Variants in KDM4B observed in about 807,000 individuals in gnomAD.
The protein encoded by KDM4B is lysine demethylase 4B.
A neutral mutation model predicts 125.2 loss-of-function variants in KDM4B; 32 were observed. The observed-to-expected ratio is 0.26, with a 90% CI of 0.19 to 0.34. The LOEUF (loss-of-function observed/expected upper bound fraction) is 0.34. KDM4B is among the 10% of genes least tolerant of loss of function. The probability of loss-of-function intolerance (pLI) is 1.00; values close to 1 mark genes in which losing one functional copy is unlikely to be tolerated. For missense variants in KDM4B, 1,190 were observed against 1,577.7 expected (o/e 0.75, Z 4.16); for synonymous variants, 721 against 677.9 (o/e 1.06, Z -0.99).
chr19:5,122,014 C>G (rs576366471), intron 11 of KDM4B, among the ~76,000 whole-genome samples: 2 of 152,268 alleles, frequency 1.3e-5, no homozygotes, highest in South Asian at 2.1e-4. Flanking sequence ...CTGTGAGTGC[C>G]CTGGGGCCGC....
chr19:5,066,968 T>C (rs983187810), intron 6 of KDM4B, among the ~76,000 whole-genome samples: 3 of 152,140 alleles, frequency 2.0e-5, no homozygotes, highest in Non-Finnish European at 2.9e-5. Context: ...TCCCGCGTCC[T>C]GCGTCCCGGC....
intron 11 of KDM4B, among the ~76,000 whole-genome samples, chr19:5,130,538 G>A (rs2039523549): frequency 6.6e-6 from 1 of 152,188 alleles, no homozygotes; most frequent in Non-Finnish European, 1.5e-5. Flanking sequence ...GCCAGGTTGG[G>A]GTTCGTTGAT....
At chr19:5,060,876 T>C (rs751936899) in intron 6 of KDM4B, among the ~76,000 whole-genome samples, 60 of 152,258 alleles carry the variant, frequency 3.9e-4, no homozygotes, top group Admixed American at 9.2e-4. Context: ...CACATGACTT[T>C]GCGTTTTTGG....
At chr19:5,149,165 C>T (rs993826262) in intron 21 of KDM4B, among the ~76,000 whole-genome samples, 3 of 152,242 alleles carry the variant, frequency 2.0e-5, no homozygotes, top group Non-Finnish European at 2.9e-5. Flanking sequence ...AGGGTCTGTG[C>T]TCCCTTGGAG....
At chr19:5,103,004 G>A (rs151172069) in intron 9 of KDM4B, among the ~76,000 whole-genome samples, 56 of 152,358 alleles carry the variant, frequency 3.7e-4, no homozygotes, top group African/African-American at 1.2e-3. Flanking sequence ...CAACGGCCCT[G>A]CCCACCACGT....
At chr19:5,097,996 G>T (rs1340571831) in intron 9 of KDM4B, among the ~76,000 whole-genome samples, 1 of 152,228 alleles carries the variant, frequency 6.6e-6, no homozygotes, top group Non-Finnish European at 1.5e-5. Flanking sequence ...TCTGTGGAAG[G>T]TTTCTGCATG....
chr19:5,144,226 C>A (rs1226627623), intron 19 of KDM4B, 22 bp from the exon 20 acceptor site: 10 of 1,593,058 alleles, frequency 6.3e-6, no homozygotes, highest in South Asian at 1.1e-5. Context: ...GACCGCCCCC[C>A]ACACCCTCCG....
intron 2 of KDM4B, among the ~76,000 whole-genome samples, chr19:5,026,776 G>A (rs1180365762): frequency 6.6e-6 from 1 of 152,204 alleles, no homozygotes; most frequent in African/African-American, 2.4e-5. Flanking sequence ...TACTGCTTTT[G>A]TAAAAACTTA....
At position 5,135,377 on chromosome 19, in the gene KDM4B, C is replaced by T. The variant is rs141692080; in HGVS notation, c.2124C>T (p.Leu708=). 7.1e-5 allele frequency: 114 copies of T among 1,613,466 alleles called. No homozygotes were observed. The African/African-American group carries it at 1.1e-3, about 16-fold the overall frequency. ...QTEKEAPIAS[L]GEGCPATLPS... is the part of the protein sequence containing the mutation. ...AGAAGGAGGCACCCATAGCCTCCCT[C>T]GGAGAGGGCTGCCCGGCCACATTAC... Residue 708 remains leucine (L), a synonymous_variant, in exon 15 of 23, where the codon CTC becomes CTT. Transcript: ENST00000159111.
At chr19:5,045,186 G>A (rs904076367) in intron 5 of KDM4B, among the ~76,000 whole-genome samples, 4 of 152,140 alleles carry the variant, frequency 2.6e-5, no homozygotes, top group Non-Finnish European at 5.9e-5. Flanking sequence ...ACGTTCCCAG[G>A]GCCCCGCTTC....
intron 6 of KDM4B, among the ~76,000 whole-genome samples, chr19:5,054,783 A>G (rs1446951183): frequency 1.3e-5 from 2 of 152,302 alleles, no homozygotes; most frequent in South Asian, 2.1e-4. Flanking sequence ...GGGCCGGCAC[A>G]TGGGAGCTAT....
intron 10 of KDM4B, chr19:5,112,732 C>G (rs1474801433): frequency 6.6e-6 from 1 of 152,466 alleles, no homozygotes; most frequent in Non-Finnish European, 1.5e-5. Flanking sequence ...CCCTCTGCCC[C>G]GAGTGTTTTC....
At chr19:5,118,676 C>T (rs572395137) in intron 10 of KDM4B, among the ~76,000 whole-genome samples, 1 of 152,170 alleles carries the variant, frequency 6.6e-6, no homozygotes, top group Non-Finnish European at 1.5e-5. Context: ...AGGCCCTGGC[C>T]GCTCAGCTGC....
chr19:5,089,537 G>A (rs1377261120), intron 9 of KDM4B, among the ~76,000 whole-genome samples: 1 of 152,168 alleles, frequency 6.6e-6, no homozygotes, highest in African/African-American at 2.4e-5. Context: ...ATAGGCTGTG[G>A]ACTGGGACTC....
rs147498368 is a variant in KDM4B at position 5,042,007 on chromosome 19, C to T, written c.432+756C>T. On this transcript the variant is annotated intron_variant, in intron 5 of 22. Transcript: ENST00000159111. ...ATTCTGTTCAGGCTGGAAGTGAGCCCGCCCTGGAGAACCTGAGGGAGACGC... is the reference window on the plus strand; with the variant it reads ...ATTCTGTTCAGGCTGGAAGTGAGCCTGCCCTGGAGAACCTGAGGGAGACGC... 7.2e-4 allele frequency among the ~76,000 whole-genome samples: 109 copies of T among 152,352 alleles called. 1 individual carries two copies. In the East Asian group the frequency reaches 0.019, roughly 26 times the overall value.
chr19:5,107,567 C>T (rs758772711), intron 9 of KDM4B, among the ~76,000 whole-genome samples: 2 of 152,206 alleles, frequency 1.3e-5, no homozygotes, highest in African/African-American at 2.4e-5. Flanking sequence ...GAGGCTCCCT[C>T]CGGCCTGCTC....
intron 1 of KDM4B, among the ~76,000 whole-genome samples, chr19:4,975,394 T>C (rs1568199504): frequency 6.6e-6 from 1 of 152,086 alleles, no homozygotes; most frequent in Non-Finnish European, 1.5e-5. Flanking sequence ...TCAAAACCAT[T>C]CTTAGACTGC....
At chr19:5,008,591 C>CTT (rs550611814) in intron 1 of KDM4B, among the ~76,000 whole-genome samples, 38 of 135,532 alleles carry the variant, frequency 2.8e-4, no homozygotes, top group Non-Finnish European at 4.5e-4. Flanking sequence ...TTTTCTTTTT[C>CTT]TTTTTTTTTT....
At chr19:4,984,270 T>G (rs888467422) in intron 1 of KDM4B, among the ~76,000 whole-genome samples, 1 of 152,166 alleles carries the variant, frequency 6.6e-6, no homozygotes, top group Non-Finnish European at 1.5e-5. Flanking sequence ...TTGTTTCTGC[T>G]CTTGACTGTG....
Sources: allele counts gnomAD v4.1 joint callset (sites outside exome capture counted in the v4.1 genomes callset), GRCh38; gene constraint gnomAD v4.1.1; transcripts MANE v1.5; gene names NCBI Gene and HGNC (gene_info 2026-07-23, HGNC 2026-07-21).